The following RBKS variants were observed in gnomAD, a reference collection of about 807,000 sequenced individuals.
RBKS encodes ribokinase.
Under a neutral mutation model 33.9 loss-of-function variants are expected in RBKS, and 33 were observed. The observed-to-expected ratio is 0.97, with a 90% CI of 0.74 to 1.30. The LOEUF is 1.30. Ranked by LOEUF, RBKS falls within the 50% of genes most tolerant of loss-of-function variation. RBKS has a pLI of 0.00. For missense variants in RBKS, 361 were observed against 392.6 expected, an observed-to-expected ratio of 0.92 and a Z score of 0.68; for synonymous variants, 125 against 143.0, an observed-to-expected ratio of 0.87 and a Z score of 0.90.
intron 6 of RBKS, among the ~76,000 whole-genome samples, chr2:27,830,727 A>G (rs1335811761): frequency 6.6e-6 from 1 of 152,214 alleles, no homozygotes; most frequent in Non-Finnish European, 1.5e-5. Context: ...AGATAACTGT[A>G]TTAACCTATA....
At chr2:27,793,190 C>T (rs1187710485) in intron 7 of RBKS, among the ~76,000 whole-genome samples, 2 of 152,072 alleles carry the variant, frequency 1.3e-5, no homozygotes, top group Non-Finnish European at 2.9e-5. Flanking sequence ...CAGTAGAATG[C>T]CAGCTAGTAA....
At chr2:27,869,709 GC>G in intron 1 of RBKS, 1 of 185,474 alleles carries the variant, frequency 5.4e-6, no homozygotes, top group Non-Finnish European at 1.1e-5. Flanking sequence ...ATCAGTAGGA[GC>G]CCTGAGCTTG....
Position 27,810,674 on chromosome 2 carries a change from G to A in RBKS, c.795+16893C>T, listed in dbSNP as rs1677973215. 6.6e-6 allele frequency among the ~76,000 whole-genome samples: 1 copy of A among 151,886 alleles called. No individual in the cohort carries two copies. Among genetic ancestry groups the A allele is most frequent in the African/African-American group, 2.4e-5 (1 of 41,356 alleles). Reference sequence around the variant, plus strand: ...TAACCATCTTAGTTATCGCCCCACTGCCCCCACTTTTTTTAAGGAAATGAA... The same window carrying A: ...TAACCATCTTAGTTATCGCCCCACTACCCCCACTTTTTTTAAGGAAATGAA... On this transcript the variant is annotated intron_variant, in intron 7 of 7. Coordinates refer to ENST00000302188, the MANE Select transcript of RBKS (RefSeq NM_022128.3). The surrounding 1 kb of genome is among the most constrained non-coding windows in gnomAD (Gnocchi z 4.4).
intron 1 of RBKS, among the ~76,000 whole-genome samples, chr2:27,885,805 T>A (rs1664515465): frequency 6.6e-6 from 1 of 152,248 alleles, no homozygotes; most frequent in Non-Finnish European, 1.5e-5. Context: ...TTCACTGCTG[T>A]ATCCTCTGCA....
chr2:27,826,672 C>T (rs949443663), intron 7 of RBKS, among the ~76,000 whole-genome samples: 1 of 152,218 alleles, frequency 6.6e-6, no homozygotes, highest in African/African-American at 2.4e-5. Flanking sequence ...TCCCAAAGTG[C>T]TGGGACTACA....
chr2:27,831,011 C>G (rs1174205337), intron 6 of RBKS, among the ~76,000 whole-genome samples: 1 of 152,170 alleles, frequency 6.6e-6, no homozygotes, highest in Non-Finnish European at 1.5e-5. Flanking sequence ...ATTATGCCCC[C>G]AGCTGAAAGC....
intron 1 of RBKS, chr2:27,871,008 TC>T: frequency 2.5e-6 from 1 of 403,138 alleles, no homozygotes; most frequent in Non-Finnish European, 5.1e-6. Flanking sequence ...TGCCTCAATG[TC>T]CTCTGCTATT....
intron 7 of RBKS, among the ~76,000 whole-genome samples, chr2:27,801,988 A>ATC (rs1558536532): frequency 1.2e-5 from 1 of 86,892 alleles, no homozygotes; most frequent in Non-Finnish European, 2.0e-5. Flanking sequence ...ATATATATAT[A>ATC]TATATTTTTT....
At chr2:27,872,504 A>G (rs1664236520) in intron 1 of RBKS, among the ~76,000 whole-genome samples, 1 of 152,184 alleles carries the variant, frequency 6.6e-6, no homozygotes, top group Non-Finnish European at 1.5e-5. Flanking sequence ...TATCAATATC[A>G]GCCAAAAATT....
intron 2 of RBKS, 96 bp downstream of exon 2, chr2:27,858,343 C>A: frequency 8.0e-7 from 1 of 1,247,400 alleles, no homozygotes; most frequent in Non-Finnish European, 1.1e-6. Context: ...CTGAACTGTT[C>A]ACTCTAAAAT....
chr2:27,785,255 A>T (rs752570196), intron 7 of RBKS, among the ~76,000 whole-genome samples: 20 of 152,224 alleles, frequency 1.3e-4, no homozygotes, highest in Non-Finnish European at 2.8e-4. Flanking sequence ...ATATGTCCAA[A>T]GATACTATAA....
intron 7 of RBKS, among the ~76,000 whole-genome samples, chr2:27,804,642 C>G (rs1000490795): frequency 6.6e-6 from 1 of 152,096 alleles, no homozygotes; most frequent in Admixed American, 6.5e-5. Context: ...AACTTCATTC[C>G]CAATAAGCAC....
chr2:27,855,440 G>A (rs909943692), intron 2 of RBKS, among the ~76,000 whole-genome samples: 1 of 152,130 alleles, frequency 6.6e-6, no homozygotes, highest in African/African-American at 2.4e-5. Flanking sequence ...CTTGACCATG[G>A]TCCTCTCCTG....
Position 27,890,370 on chromosome 2 carries a change from C to T in RBKS, c.-25G>A. On this transcript the variant is annotated 5_prime_UTR_variant, in exon 1 of 8. Coordinates refer to ENST00000302188, the MANE Select transcript of RBKS (RefSeq NM_022128.3). The surrounding 1 kb of genome is among the most constrained non-coding windows in gnomAD (Gnocchi z 4.8). ...TCGCTCAAAGGTGCTGCTGTCCAAC[C>T]TGGACGGTGACCTCTGCCCTTTGCC... The T allele has an allele frequency of 1.9e-6, 3 of 1,606,480 alleles. No individual in the cohort carries two copies. In the South Asian group the frequency reaches 3.3e-5, roughly 18 times the overall value.
At chr2:27,787,132 G>T (rs1338013393) in intron 7 of RBKS, among the ~76,000 whole-genome samples, 1 of 152,160 alleles carries the variant, frequency 6.6e-6, no homozygotes, top group Non-Finnish European at 1.5e-5. Context: ...GGGACCACAG[G>T]TGTGCACCAC....
intron 2 of RBKS, among the ~76,000 whole-genome samples, chr2:27,848,648 C>A (rs2148214393): frequency 6.6e-6 from 1 of 152,296 alleles, no homozygotes; most frequent in Non-Finnish European, 1.5e-5. Flanking sequence ...ACACCTATTT[C>A]TGTCCCATTC....
chr2:27,796,874 G>A (rs1319660518), intron 7 of RBKS, among the ~76,000 whole-genome samples: 2 of 152,110 alleles, frequency 1.3e-5, no homozygotes, highest in Non-Finnish European at 2.9e-5. Context: ...CTTCCCCTCC[G>A]TTTCAGACAA....
intron 7 of RBKS, among the ~76,000 whole-genome samples, chr2:27,817,522 C>A (rs1476970908): frequency 6.6e-6 from 1 of 152,082 alleles, no homozygotes; most frequent in Non-Finnish European, 1.5e-5. Context: ...TAAAGAAATA[C>A]CCAAGACTGG....
At chr2:27,883,345 G>A (rs1163189016) in intron 1 of RBKS, among the ~76,000 whole-genome samples, 4 of 152,042 alleles carry the variant, frequency 2.6e-5, no homozygotes, top group African/African-American at 4.8e-5. Flanking sequence ...GACTACAGGC[G>A]TCTGCCACCA....
Sources: gnomAD v4.1 joint callset for allele counts (sites outside exome capture counted in the v4.1 genomes callset) on GRCh38, gnomAD v4.1.1 for gene constraint, Gnocchi (gnomAD v3.1) non-coding constraint, MANE v1.5 for transcripts, NCBI Gene and HGNC (gene_info 2026-07-23, HGNC 2026-07-21) for gene names.